STK38: variants seen among roughly 807,000 people sequenced by gnomAD.
The protein encoded by STK38 is serine/threonine kinase 38, also known as serine/threonine-protein kinase 38.
In STK38, 26 loss-of-function variants were observed where a neutral mutation model predicts 59.0. The observed-to-expected ratio is 0.44, with a 90% confidence interval of 0.32 to 0.61. The LOEUF (loss-of-function observed/expected upper bound fraction) is 0.61. Ranked by LOEUF, STK38 falls within the 20% of genes least tolerant of loss-of-function variation. STK38 has a pLI of 0.04. For missense variants in STK38, 433 were observed against 566.0 expected, an observed-to-expected ratio of 0.76 and a Z score of 2.38; for synonymous variants, 175 against 176.6, an observed-to-expected ratio of 0.99 and a Z score of 0.07.
intron 10 of STK38, among the ~76,000 whole-genome samples, chr6:36,498,946 GAC>G (rs1302482156): frequency 5.3e-5 from 8 of 151,968 alleles, no homozygotes; most frequent in African/African-American, 1.7e-4. Flanking sequence ...ATCCCTCCAT[GAC>G]ACAGACAGGA....
In STK38 at chr6:36,499,892, G is replaced by T; in HGVS notation, c.933C>A (p.Ile311=). 6.2e-7 allele frequency: 1 copy of T among 1,613,992 alleles called. No individual in the cohort carries two copies. Among genetic ancestry groups the T allele is most frequent in the South Asian group, 1.1e-5 (1 of 91,080 alleles). Residue 311 remains isoleucine (I), a synonymous_variant, in exon 10 of 14, where the codon ATC becomes ATA. Coordinates refer to ENST00000229812, the MANE Select transcript of STK38 (RefSeq NM_007271.4). Reference sequence around the variant, plus strand: ...ACTTACCGATGAGCATCTCATACATGATCACCCCAAGCGACCACCAATCAC... The same window carrying T: ...ACTTACCGATGAGCATCTCATACATTATCACCCCAAGCGACCACCAATCAC... The part of the protein sequence containing the change: ...KLCDWWSLGV[I]MYEMLIGYPP...
chr6:36,538,518 A>G (rs1393421607), intron 2 of STK38, among the ~76,000 whole-genome samples: 1 of 152,228 alleles, frequency 6.6e-6, no homozygotes, highest in Non-Finnish European at 1.5e-5. Context: ...CCCTTCCCCA[A>G]AAAGTATAAA....
At chr6:36,504,854 A>G (rs1776921152) in intron 9 of STK38, among the ~76,000 whole-genome samples, 1 of 145,370 alleles carries the variant, frequency 6.9e-6, no homozygotes, top group East Asian at 2.0e-4. Flanking sequence ...CTTTATCCCC[A>G]AAATACTTGT....
chr6:36,538,891 CAAAAAAA>C (rs1214217676), intron 2 of STK38, among the ~76,000 whole-genome samples: 2 of 54,138 alleles, frequency 3.7e-5, no homozygotes, highest in Non-Finnish European at 7.0e-5. Flanking sequence ...GACTCTGTCT[CAAAAAAA>C]AAAAAAAAAA....
Position 36,495,451 on chromosome 6 carries a change from A to C in STK38, c.*333T>G. 1 of 271,468 alleles carries C rather than the reference A, an allele frequency of 3.7e-6. No homozygotes were observed. Among genetic ancestry groups the C allele is most frequent in the Non-Finnish European group, 7.2e-6 (1 of 138,494 alleles). The allele number at this position is 271,468 out of a possible 1,614,324, so 16.8% of individuals were successfully genotyped here. A position where few individuals can be genotyped will look rare whatever the true frequency, so the allele number is the denominator to read the frequency against. ...TCGATGACTATACACGACAATCTCAATAATGTTGGATGATGGCTGTTTTTC... is the reference window on the plus strand; with the variant it reads ...TCGATGACTATACACGACAATCTCACTAATGTTGGATGATGGCTGTTTTTC... On this transcript the variant is annotated 3_prime_UTR_variant, in exon 14 of 14. Coordinates refer to ENST00000229812, the MANE Select transcript of STK38 (RefSeq NM_007271.4).
chr6:36,513,272 C>A (rs1027509277), intron 7 of STK38, among the ~76,000 whole-genome samples: 25 of 151,296 alleles, frequency 1.7e-4, no homozygotes, highest in Non-Finnish European at 3.4e-4. Flanking sequence ...CCCACCTTGG[C>A]CTCCCAAAGT....
intron 2 of STK38, among the ~76,000 whole-genome samples, chr6:36,527,008 A>G (rs1009846275): frequency 6.6e-6 from 1 of 151,792 alleles, no homozygotes; most frequent in Non-Finnish European, 1.5e-5. Flanking sequence ...CCTGGCCAAC[A>G]TAGTAAAACC....
intron 2 of STK38, among the ~76,000 whole-genome samples, chr6:36,531,838 C>CT (rs1243990216): frequency 6.6e-5 from 10 of 152,202 alleles, no homozygotes; most frequent in Non-Finnish European, 1.2e-4. Context: ...TCTTCTATCT[C>CT]TGGGCTTTGG....
At chr6:36,506,698 C>CT in intron 8 of STK38, 54 bp from the exon 9 acceptor site, 1 of 1,538,158 alleles carries the variant, frequency 6.5e-7, no homozygotes, top group Non-Finnish European at 8.9e-7. Context: ...ATGTTTACTA[C>CT]TTTTTTTAGT....
chr6:36,499,285 C>G (rs978123960), intron 10 of STK38, among the ~76,000 whole-genome samples: 1 of 152,172 alleles, frequency 6.6e-6, no homozygotes, highest in Non-Finnish European at 1.5e-5. Context: ...CGCACACACC[C>G]TATCACCCCA....
At chr6:36,531,114 G>C (rs1456202301) in intron 2 of STK38, among the ~76,000 whole-genome samples, 1 of 152,174 alleles carries the variant, frequency 6.6e-6, no homozygotes, top group Non-Finnish European at 1.5e-5. Context: ...ACTCATTCTT[G>C]AGGCTTAAAT....
chr6:36,505,377 C>G (rs1776940203), intron 9 of STK38, among the ~76,000 whole-genome samples: 1 of 152,182 alleles, frequency 6.6e-6, no homozygotes, highest in African/African-American at 2.4e-5. Context: ...TATTTTGTAA[C>G]TAACTGTACT....
intron 7 of STK38, among the ~76,000 whole-genome samples, 193 bp downstream of exon 7, chr6:36,515,145 A>G (rs1777218327): frequency 1.3e-5 from 2 of 152,094 alleles, no homozygotes; most frequent in African/African-American, 2.4e-5. Flanking sequence ...AGAAATGTTC[A>G]ACCAAATTAC....
At chr6:36,520,765 T>G (rs1216802232) in intron 5 of STK38, among the ~76,000 whole-genome samples, 2 of 152,126 alleles carry the variant, frequency 1.3e-5, no homozygotes, top group Admixed American at 1.3e-4. Flanking sequence ...AGTCTAAAGC[T>G]TCTCGGTAAC....
At chr6:36,511,732 T>TCTTAAGG (rs1468404483) in intron 7 of STK38, among the ~76,000 whole-genome samples, 1 of 151,978 alleles carries the variant, frequency 6.6e-6, no homozygotes, top group Admixed American at 6.6e-5. Flanking sequence ...TGATTACATA[T>TCTTAAGG]CTTACCTGGA....
chr6:36,499,787 C>T, intron 10 of STK38, 86 bp downstream of exon 10: 2 of 1,065,034 alleles, frequency 1.9e-6, no homozygotes, highest in Non-Finnish European at 2.9e-6. Flanking sequence ...TCACTTAGAT[C>T]ACTGCCAATT....
At chr6:36,536,268 T>C (rs1255059320) in intron 2 of STK38, among the ~76,000 whole-genome samples, 1 of 152,170 alleles carries the variant, frequency 6.6e-6, no homozygotes, top group Non-Finnish European at 1.5e-5. Flanking sequence ...CCACCTCATA[T>C]CATACACATC....
At chr6:36,534,788 A>G (rs1244182962) in intron 2 of STK38, among the ~76,000 whole-genome samples, 1 of 143,336 alleles carries the variant, frequency 7.0e-6, no homozygotes, top group Non-Finnish European at 1.5e-5. Flanking sequence ...ATCCACTCCC[A>G]CTACTTCTAT....
Position 36,546,289 on chromosome 6 carries a change from G to A in STK38, c.-6+901C>T, listed in dbSNP as rs554570997. Reference sequence around the variant, plus strand: ...AGGAGTTTATGTGTGATGGGGGATAGGGCTGGGACATGAAATGGTTTGCTA... The same window carrying A: ...AGGAGTTTATGTGTGATGGGGGATAAGGCTGGGACATGAAATGGTTTGCTA... On this transcript the variant is annotated intron_variant, in intron 1 of 13. Coordinates refer to ENST00000229812, the MANE Select transcript of STK38 (RefSeq NM_007271.4). Among the ~76,000 whole-genome samples, 5 of 152,344 alleles carry A rather than the reference G, an allele frequency of 3.3e-5. No individual in the cohort carries two copies. The South Asian group carries it at 6.2e-4, about 19-fold the overall frequency.
Sources: allele counts gnomAD v4.1 joint callset (sites outside exome capture counted in the v4.1 genomes callset), GRCh38; gene constraint gnomAD v4.1.1; transcripts MANE v1.5; gene names NCBI Gene and HGNC (gene_info 2026-07-23, HGNC 2026-07-21).